The following ST3GAL2 variants were observed in gnomAD, a reference collection of about 807,000 sequenced individuals.
ST3GAL2 encodes the protein ST3 beta-galactoside alpha-2,3-sialyltransferase 2.
In ST3GAL2, 16 loss-of-function variants were observed where a neutral mutation model predicts 37.5. The ratio of observed to expected loss-of-function variants is 0.43; its 90% confidence interval spans 0.29 to 0.65. ST3GAL2 has a LOEUF of 0.65. Among genes scored for constraint, ST3GAL2 ranks in the 30% least tolerant of loss-of-function variants. The pLI is 0.17. For synonymous variants in ST3GAL2, 238 were observed against 202.9 expected (o/e 1.17, Z -1.47); for missense variants, 383 against 487.8 (o/e 0.79, Z 2.02).
At chr16:70,395,285 C>A (rs963011666) in intron 2 of ST3GAL2, 110 bp from the exon 3 acceptor site, 5 of 1,013,652 alleles carry the variant, frequency 4.9e-6, no homozygotes, top group Non-Finnish European at 7.1e-6. Flanking sequence ...TGGGCACAGG[C>A]CTCTTTATCC....
chr16:70,434,705 C>G (rs1224655541), intron 1 of ST3GAL2, among the ~76,000 whole-genome samples: 1 of 152,208 alleles, frequency 6.6e-6, no homozygotes, highest in African/African-American at 2.4e-5. Context: ...CATCTAGCAC[C>G]ATGCCTGGCT....
rs922251694 is a variant in ST3GAL2 at position 70,388,301 on chromosome 16, C to T, written c.713+66G>A. On this transcript the variant is annotated intron_variant, in intron 4 of 6. Coordinates refer to ENST00000342907, the MANE Select transcript of ST3GAL2 (RefSeq NM_006927.4). ...AATGAAAGGAATCCTACAATCTGGC[C>T]CCTAGAAGACTCTGCCCAAGATGGT... 8.8e-6 allele frequency: 14 copies of T among 1,595,590 alleles called. No homozygotes were observed. The African/African-American group carries it at 1.8e-4, about 20-fold the overall frequency.
intron 2 of ST3GAL2, among the ~76,000 whole-genome samples, chr16:70,396,084 G>C (rs554981737): frequency 6.6e-6 from 1 of 150,822 alleles, no homozygotes; most frequent in African/African-American, 2.4e-5. Context: ...GGATTCTCCT[G>C]CCTCAGCCTC....
chr16:70,398,602 AGCCT>A lies in ST3GAL2; in HGVS notation c.-76_-73del, dbSNP rs1167550851. The A allele has an allele frequency of 1.3e-4, 180 of 1,424,126 alleles. No individual in the cohort carries two copies. The highest frequency in any genetic ancestry group is 1.6e-4 in the Non-Finnish European group (173 of 1,061,040). The allele number at this position is 1,424,126 out of a possible 1,614,324, so 88.2% of individuals were successfully genotyped here. On this transcript the variant is annotated 5_prime_UTR_variant, in exon 2 of 7. The change abolishes the stop of an existing upstream ORF in the 5' untranslated region. Transcript: ENST00000342907. ...CCCGCTGAGGGGCCAGCCACGGCGT[AGCCT>A]GCCTATTCTGGCACCACATGCAAAG...
intron 1 of ST3GAL2, among the ~76,000 whole-genome samples, chr16:70,429,134 A>T (rs1052306983): frequency 6.6e-5 from 10 of 152,324 alleles, no homozygotes; most frequent in African/African-American, 2.4e-4. Context: ...GGGAGATGCC[A>T]GAGCAGGCTG....
At chr16:70,431,985 A>ATATATTTT (rs1454729972) in intron 1 of ST3GAL2, among the ~76,000 whole-genome samples, 77 of 139,054 alleles carry the variant, frequency 5.5e-4, no homozygotes, top group African/African-American at 2.2e-3. Context: ...ATATATATAT[A>ATATATTTT]TTTTTTTTTA....
chr16:70,413,888 C>T (rs1302668787), intron 1 of ST3GAL2, among the ~76,000 whole-genome samples: 1 of 152,074 alleles, frequency 6.6e-6, no homozygotes, highest in Non-Finnish European at 1.5e-5. Context: ...CCAAATGGAA[C>T]ACTTTATGGC....
At chr16:70,390,431 A>T (rs748788595) in intron 3 of ST3GAL2, among the ~76,000 whole-genome samples, 3 of 152,196 alleles carry the variant, frequency 2.0e-5, no homozygotes, top group Non-Finnish European at 4.4e-5. Flanking sequence ...CTTCCACTTC[A>T]CTTGGCTGTT....
rs1431953165 is a variant in ST3GAL2 at position 70,398,704 on chromosome 16, A to C, written c.-174T>G. 4 of 655,182 alleles carry C rather than the reference A, an allele frequency of 6.1e-6. No individual in the cohort carries two copies. The highest frequency in any genetic ancestry group is 1.0e-5 in the Non-Finnish European group (4 of 386,964). The allele number at this position is 655,182 out of a possible 1,614,324, so 40.6% of individuals were successfully genotyped here. A position where few individuals can be genotyped will look rare whatever the true frequency, so the allele number is the denominator to read the frequency against. ...GCCACGCCCTCCCTCATGTAGGGAG[A>C]ACACACGTTGGCAGGAGTGGCTGTC... On this transcript the variant is annotated 5_prime_UTR_variant, in exon 2 of 7. Coordinates refer to ENST00000342907, the MANE Select transcript of ST3GAL2 (RefSeq NM_006927.4).
intron 1 of ST3GAL2, among the ~76,000 whole-genome samples, chr16:70,409,933 GT>G (rs202011563): frequency 4.1e-5 from 6 of 146,520 alleles, no homozygotes; most frequent in African/African-American, 1.5e-4. Context: ...TACTTTTGTT[GT>G]TTTTTTTGTT....
Position 70,398,403 on chromosome 16 carries a change from T to C in ST3GAL2, c.128A>G (p.Asp43Gly). ...TLPYLDSGAL[D>G]GTHRVKLVPG... is the part of the protein sequence containing the mutation. ...CACCAGCTTCACCCGGTGCGTCCCA[T>C]CCAGGGCCCCTGAGTCCAGGTAGGG... The change falls in exon 2 of 7, where the codon GAT becomes GGT. Residue 43 changes from aspartate (D) to glycine (G), a missense_variant. Physicochemically the swap from Asp to Gly is moderately conservative, Grantham distance 94 (BLOSUM62 -1). Coordinates refer to ENST00000342907, the MANE Select transcript of ST3GAL2 (RefSeq NM_006927.4). The C allele has an allele frequency of 6.2e-7, 1 of 1,613,674 alleles. No homozygotes were observed. The highest frequency in any genetic ancestry group is 8.5e-7 in the Non-Finnish European group (1 of 1,179,988).
intron 4 of ST3GAL2, among the ~76,000 whole-genome samples, chr16:70,385,425 G>T (rs2047435518): frequency 6.6e-6 from 1 of 152,092 alleles, no homozygotes; most frequent in Non-Finnish European, 1.5e-5. Flanking sequence ...TTTCCATTTG[G>T]GATAATGAAA....
intron 1 of ST3GAL2, among the ~76,000 whole-genome samples, chr16:70,426,192 T>TTG (rs1555561549): frequency 7.0e-6 from 1 of 142,316 alleles, no homozygotes; most frequent in Non-Finnish European, 1.5e-5. Flanking sequence ...TTTTTTTTTT[T>TTG]TTTTTTTTTT....
Position 70,386,187 on chromosome 16 carries a change from GT to G in ST3GAL2, c.713+2179del, listed in dbSNP as rs1025981000. Among the ~76,000 whole-genome samples the G allele has an allele frequency of 1.1e-3, 153 of 143,272 alleles. 4 individuals carry two copies. In the East Asian group the frequency reaches 0.017, roughly 16 times the overall value. The allele number at this position is 143,272 out of a possible 152,430, so 94.0% of individuals were successfully genotyped here. ...AGACGTGCGCCACCACACCCAGCTA[GT>G]TTTTTTTTTTTCTTCCTGAGACGGA... On this transcript the variant is annotated intron_variant, in intron 4 of 6. Coordinates refer to ENST00000342907, the MANE Select transcript of ST3GAL2 (RefSeq NM_006927.4).
intron 1 of ST3GAL2, among the ~76,000 whole-genome samples, chr16:70,406,858 T>A (rs1385230590): frequency 6.6e-6 from 1 of 151,438 alleles, no homozygotes; most frequent in Non-Finnish European, 1.5e-5. Context: ...AGAATGTGTG[T>A]ACACTGATGG....
Position 70,405,412 on chromosome 16 carries a change from G to A in ST3GAL2, c.-1003-5879C>T, listed in dbSNP as rs557196350. On this transcript the variant is annotated intron_variant, in intron 1 of 6. Coordinates refer to ENST00000342907, the MANE Select transcript of ST3GAL2 (RefSeq NM_006927.4). The stretch of plus-strand genomic sequence containing the variant: ...AAAAATTAGCCGGGCATGGTGGCGG[G>A]AGCCTGTAGTACCAGATACTCGGAA... Among the ~76,000 whole-genome samples, 228 of 151,976 alleles carry A rather than the reference G, an allele frequency of 1.5e-3. 2 individuals carry two copies. The highest frequency in any genetic ancestry group is 1.3e-3 in the Non-Finnish European group (91 of 67,972).
intron 1 of ST3GAL2, among the ~76,000 whole-genome samples, chr16:70,434,890 C>T (rs2047814817): frequency 6.6e-6 from 1 of 152,200 alleles, no homozygotes; most frequent in Admixed American, 6.5e-5. Context: ...ATAAATGTTC[C>T]ACTGACCTGT....
Position 70,379,946 on chromosome 16 carries a change from T to A in ST3GAL2, c.*1743A>T, listed in dbSNP as rs1385854354. ...GAGCCACCGTACCTGGCGGGATTCATGATTTAAAGCAAAAGAAAAAAAAGA... is the reference window on the plus strand; with the variant it reads ...GAGCCACCGTACCTGGCGGGATTCAAGATTTAAAGCAAAAGAAAAAAAAGA... On this transcript the variant is annotated 3_prime_UTR_variant, in exon 7 of 7. Transcript: ENST00000342907. 6.6e-6 allele frequency: 1 copy of A among 152,146 alleles called. No individual in the cohort carries two copies. Among genetic ancestry groups the A allele is most frequent in the Non-Finnish European group, 1.5e-5 (1 of 68,050 alleles). 9.4% of individuals were successfully genotyped at this position (152,146 alleles called of 1,614,324 possible).
intron 3 of ST3GAL2, among the ~76,000 whole-genome samples, chr16:70,392,824 G>A (rs1247524331): frequency 1.3e-5 from 2 of 152,034 alleles, no homozygotes; most frequent in African/African-American, 4.8e-5. Context: ...TTGCTCTGTT[G>A]CCCAGGCTGG....
Sources: allele counts gnomAD v4.1 joint callset (sites outside exome capture counted in the v4.1 genomes callset), GRCh38; gene constraint gnomAD v4.1.1; transcripts MANE v1.5; gene names NCBI Gene and HGNC (gene_info 2026-07-23, HGNC 2026-07-21).